ABCA13: variants seen among roughly 807,000 people sequenced by gnomAD.
ABCA13 encodes ATP binding cassette subfamily A member 13, also known as ATP-binding cassette sub-family A member 13.
Under a neutral mutation model 478.7 loss-of-function variants are expected in ABCA13, and 476 were observed. The observed-to-expected ratio is 0.99, with a 90% CI of 0.92 to 1.07. ABCA13 has a LOEUF of 1.07. ABCA13 is among the 50% of genes least tolerant of loss of function. The probability of loss-of-function intolerance (pLI) is 0.00; values close to 1 mark genes in which losing one functional copy is unlikely to be tolerated. For synonymous variants in ABCA13, 2,252 were observed against 2,158.9 expected (o/e 1.04, Z -1.20); for missense variants, 6,060 against 5,910.6 (o/e 1.03, Z -0.83).
chr7:48,247,061 C>T (rs1369210351), intron 13 of ABCA13, among the ~76,000 whole-genome samples: 2 of 151,788 alleles, frequency 1.3e-5, no homozygotes, highest in African/African-American at 2.4e-5. Context: ...ATAGCTAAAC[C>T]CCATCTCTAC....
chr7:48,203,824 A>T (rs1034886708), intron 3 of ABCA13, among the ~76,000 whole-genome samples: 2 of 152,158 alleles, frequency 1.3e-5, no homozygotes, highest in Non-Finnish European at 2.9e-5. Flanking sequence ...TCCCACCCTT[A>T]GTCTACAGCA....
intron 38 of ABCA13, among the ~76,000 whole-genome samples, chr7:48,400,129 C>T (rs527760369): frequency 3.3e-5 from 5 of 152,178 alleles, no homozygotes; most frequent in African/African-American, 1.2e-4. Context: ...TCATATGCCA[C>T]TGTCTCTGGA....
At chr7:48,280,508 A>G (rs1422261605) in intron 18 of ABCA13, among the ~76,000 whole-genome samples, 2 of 152,184 alleles carry the variant, frequency 1.3e-5, no homozygotes, top group Non-Finnish European at 2.9e-5. Context: ...CTGTTGCCTT[A>G]GGTTGGAGAC....
chr7:48,459,921 G>A (rs1826067377), intron 43 of ABCA13, among the ~76,000 whole-genome samples: 1 of 152,070 alleles, frequency 6.6e-6, no homozygotes, highest in Non-Finnish European at 1.5e-5. Flanking sequence ...TAGAGGAGAT[G>A]GTCCTAAATA....
rs1187012300 is a variant in ABCA13, at chr7:48,455,149, C to T, written c.12678C>T (p.Thr4226=). The T allele has an allele frequency of 9.5e-6, 15 of 1,577,742 alleles. No individual in the cohort carries two copies. The highest frequency in any genetic ancestry group is 1.3e-5 in the Non-Finnish European group (15 of 1,162,220). ...GCACGCTGCGCGCCGGGAAGAGCACCCTCGCCGACCTGCTGCTGCCAGTCC... is the reference window on the plus strand; with the variant it reads ...GCACGCTGCGCGCCGGGAAGAGCACTCTCGCCGACCTGCTGCTGCCAGTCC... ...LRRTLRAGKS[T]LADLLLPVLF... is the part of the protein sequence containing the mutation. The change falls in exon 43 of 62, where the codon ACC becomes ACT. Residue 4226 remains threonine, a synonymous_variant. Coordinates refer to ENST00000435803, the MANE Select transcript of ABCA13 (RefSeq NM_152701.5).
Position 48,350,660 on chromosome 7 carries a change from A to T in ABCA13, c.10222A>T (p.Met3408Leu), listed in dbSNP as rs1194424639. 1 of 1,613,522 alleles carries T rather than the reference A, an allele frequency of 6.2e-7. No homozygotes were observed. The highest frequency in any genetic ancestry group is 8.5e-7 in the Non-Finnish European group (1 of 1,179,662). ...LQTYGGLLDE[M>L]FNHAGAGRFR... ...TTCCTCAGGAGGGCTGCTGGATGAG[A>T]TGTTTAACCATGCAGGCGCTGGACG... The change falls in exon 30 of 62, where the codon ATG becomes TTG. Residue 3408 changes from methionine (M) to leucine (L), a missense_variant. Met to Leu is a conservative substitution (Grantham distance 15). This residue lies in a region of ABCA13 where 4,423 missense variants were observed against 4,309.1 expected (regional missense o/e 1.03). Transcript: ENST00000435803.
chr7:48,262,549 C>A (rs1794338708), intron 15 of ABCA13, among the ~76,000 whole-genome samples: 1 of 151,926 alleles, frequency 6.6e-6, no homozygotes, highest in African/African-American at 2.4e-5. Context: ...TTTCTTCCTT[C>A]TAACTCTTTC....
rs1435121971 is a variant in ABCA13, at chr7:48,298,403, G to C, written c.9237G>C (p.Lys3079Asn). The C allele has an allele frequency of 1.8e-5, 29 of 1,611,920 alleles. No individual in the cohort carries two copies. The highest frequency in any genetic ancestry group is 2.3e-5 in the Non-Finnish European group (27 of 1,178,850). The change falls in exon 23 of 62, where the codon AAG (lysine) becomes AAC (asparagine). Residue 3079 changes from lysine to asparagine, a missense_variant. Around this residue, in one of 3 missense-constraint regions of ABCA13, gnomAD observed 4,423 missense variants for 4,309.1 expected, o/e 1.03. Coordinates refer to ENST00000435803, the MANE Select transcript of ABCA13 (RefSeq NM_152701.5). ...AAGATTTGATGAAGAATATCACCAA[G>C]TTGACTGAGGAGCTTCGCTCTTCCA... ...KIKDLMKNIT[K>N]LTEELRSSIQ...
At chr7:48,173,251 T>C (rs939410794) in intron 1 of ABCA13, among the ~76,000 whole-genome samples, 1 of 152,252 alleles carries the variant, frequency 6.6e-6, no homozygotes, top group East Asian at 1.9e-4. Flanking sequence ...TATCATCTTG[T>C]AACACACCAC....
chr7:48,590,172 G>A (rs763837398), intron 57 of ABCA13, among the ~76,000 whole-genome samples: 17 of 151,872 alleles, frequency 1.1e-4, no homozygotes, highest in Non-Finnish European at 1.8e-4. Flanking sequence ...TTCCATGCAT[G>A]GCTTATTTCA....
At chr7:48,441,773 C>T (rs10499681) in intron 42 of ABCA13, among the ~76,000 whole-genome samples, 45,264 of 151,964 alleles carry the variant, frequency 0.3, 6,826 homozygotes, top group East Asian at 0.38. Flanking sequence ...ATCTCTGTTA[C>T]TGGATGTTAT....
At chr7:48,581,682 C>T (rs1788724527) in intron 56 of ABCA13, among the ~76,000 whole-genome samples, 3 of 152,170 alleles carry the variant, frequency 2.0e-5, no homozygotes, top group South Asian at 4.1e-4. Flanking sequence ...ATTCATCTGT[C>T]TTACAACTTT....
At chr7:48,617,945 A>G (rs4917165) in intron 59 of ABCA13, among the ~76,000 whole-genome samples, 38,057 of 152,016 alleles carry the variant, frequency 0.25, 5,237 homozygotes, top group Middle Eastern at 0.37. Context: ...CATAAGAGGA[A>G]AAAACAAAAT....
At chr7:48,505,835 C>T (rs1010760586) in intron 48 of ABCA13, among the ~76,000 whole-genome samples, 33 of 152,276 alleles carry the variant, frequency 2.2e-4, no homozygotes, top group Admixed American at 5.9e-4. Context: ...CACACACATG[C>T]GCAAGCCCAA....
chr7:48,288,033 T>C lies in ABCA13; in HGVS notation c.8910T>C (p.Ile2970=). 1.2e-6 allele frequency: 2 copies of C among 1,614,018 alleles called. No individual in the cohort carries two copies. The highest frequency in any genetic ancestry group is 1.7e-6 in the Non-Finnish European group (2 of 1,179,886). ...AGCAAAATGGGATAAGGCATCTCAT[T>C]TTATCTGCTATACAAGGGGTCACTT... The part of the protein sequence containing the change: ...SCKQNGIRHL[I]LSAIQGVTLA... The change falls in exon 20 of 62, where the codon ATT becomes ATC. Residue 2970 remains isoleucine (I), a synonymous_variant. Coordinates refer to ENST00000435803, the MANE Select transcript of ABCA13 (RefSeq NM_152701.5).
rs146818590 is a variant in ABCA13, at chr7:48,180,883, C to T, written c.69+9331C>T. ...CCCTACAGCTCTCCAGCCTGGGTGACACAGTGAGACCTCACCTCAAACAAA... is the reference window on the plus strand; with the variant it reads ...CCCTACAGCTCTCCAGCCTGGGTGATACAGTGAGACCTCACCTCAAACAAA... On this transcript the variant is annotated intron_variant, in intron 1 of 61. Transcript: ENST00000435803. Among the ~76,000 whole-genome samples the T allele has an allele frequency of 2.0e-3, 301 of 152,220 alleles. 1 individual carries two copies. The highest frequency in any genetic ancestry group is 4.2e-3 in the Admixed American group (64 of 15,290).
At chr7:48,319,549 A>T (rs1803105900) in intron 27 of ABCA13, among the ~76,000 whole-genome samples, 1 of 152,184 alleles carries the variant, frequency 6.6e-6, no homozygotes, top group African/African-American at 2.4e-5. Context: ...GGCCCATGCT[A>T]TAAATTATTT....
chr7:48,486,824 T>C (rs1180683814), intron 47 of ABCA13, among the ~76,000 whole-genome samples: 1 of 152,124 alleles, frequency 6.6e-6, no homozygotes, highest in Non-Finnish European at 1.5e-5. Flanking sequence ...AGCTCCACTG[T>C]TGCATCTGAT....
rs1795771833 is a variant in ABCA13 at position 48,272,634 on chromosome 7, C to G, written c.2968C>G (p.Gln990Glu). The change falls in exon 17 of 62, where the codon CAA (glutamine) becomes GAA (glutamate). Residue 990 changes from glutamine to glutamate, a missense_variant. By Grantham distance (29) the Gln-to-Glu change is conservative. Coordinates refer to ENST00000435803, the MANE Select transcript of ABCA13 (RefSeq NM_152701.5). Reference protein sequence around the residue: ...SRGSSLTFLTQISKHILDIIK... With the variant: ...SRGSSLTFLTEISKHILDIIK... ...AGGCTCTTCGTTGACTTTCCTTACA[C>G]AAATCTCAAAACACATTTTGGATAT... 3.1e-6 allele frequency: 5 copies of G among 1,613,058 alleles called. No individual in the cohort carries two copies. Among genetic ancestry groups the G allele is most frequent in the Non-Finnish European group, 2.5e-6 (3 of 1,179,392 alleles).
Sources: allele counts gnomAD v4.1 joint callset (sites outside exome capture counted in the v4.1 genomes callset), GRCh38; gene constraint gnomAD v4.1.1; regional missense constraint gnomAD v4.1.1; transcripts MANE v1.5; gene names NCBI Gene and HGNC (gene_info 2026-07-23, HGNC 2026-07-21).